Variants in GRIP1 observed in about 807,000 individuals in gnomAD.
GRIP1 encodes the protein glutamate receptor-interacting protein 1.
A neutral mutation model predicts 129.9 loss-of-function variants in GRIP1; 45 were observed. The ratio of observed to expected loss-of-function variants is 0.35; its 90% CI spans 0.27 to 0.44. GRIP1 has a LOEUF of 0.44. GRIP1 is among the 20% of genes least tolerant of loss of function. The pLI, the probability that GRIP1 is intolerant of heterozygous loss-of-function variation, is 1.00. For synonymous variants in GRIP1, 530 were observed against 520.8 expected (o/e 1.02, Z -0.24); for missense variants, 1,196 against 1,396.8 (o/e 0.86, Z 2.29).
chr12:67,006,993 T>C (rs1348852529), intron 1 of GRIP1, among the ~76,000 whole-genome samples: 1 of 152,196 alleles, frequency 6.6e-6, no homozygotes, highest in African/African-American at 2.4e-5. Flanking sequence ...TCAATCATCA[T>C]AAAAGCTTCT....
intron 1 of GRIP1, among the ~76,000 whole-genome samples, chr12:66,955,751 C>T (rs11176494): frequency 0.2 from 30,943 of 152,014 alleles, 3,967 homozygotes; most frequent in East Asian, 0.27. Context: ...AAGTGATCCA[C>T]CCGCCTCGGC....
intron 1 of GRIP1, among the ~76,000 whole-genome samples, chr12:66,926,687 ACT>A (rs2041301087): frequency 6.6e-6 from 1 of 152,242 alleles, no homozygotes; most frequent in South Asian, 2.1e-4. Flanking sequence ...TCCTTCAGAC[ACT>A]AAAGAGGGCA....
At chr12:66,900,457 G>A (rs2040826422) in intron 1 of GRIP1, among the ~76,000 whole-genome samples, 1 of 152,122 alleles carries the variant, frequency 6.6e-6, no homozygotes, top group Admixed American at 6.6e-5. Flanking sequence ...CCAGCCTCTT[G>A]ATCTTGGACT....
chr12:66,900,335 T>A (rs559545832), intron 1 of GRIP1, among the ~76,000 whole-genome samples: 1 of 152,118 alleles, frequency 6.6e-6, no homozygotes, highest in East Asian at 1.9e-4. Context: ...CCCACCCTTA[T>A]AAAAGAGACC....
chr12:66,623,425 C>T (rs1035472506), intron 1 of GRIP1, among the ~76,000 whole-genome samples: 1 of 152,108 alleles, frequency 6.6e-6, no homozygotes, highest in African/African-American at 2.4e-5. Context: ...TGGGATTGGG[C>T]CTACTTAAAG....
At chr12:66,547,065 C>T (rs749208336) in intron 2 of GRIP1, among the ~76,000 whole-genome samples, 5 of 151,992 alleles carry the variant, frequency 3.3e-5, no homozygotes, top group Non-Finnish European at 5.9e-5. Context: ...CAAAACTCAA[C>T]AGTAAAAAAG....
intron 24 of GRIP1, among the ~76,000 whole-genome samples, chr12:66,353,208 T>C (rs1469928039): frequency 3.3e-5 from 5 of 152,070 alleles, no homozygotes; most frequent in African/African-American, 1.2e-4. Flanking sequence ...AAAAAACTGG[T>C]AAGAAACCAC....
At chr12:66,409,920 A>G (rs373144845) in intron 15 of GRIP1, among the ~76,000 whole-genome samples, 2 of 152,258 alleles carry the variant, frequency 1.3e-5, no homozygotes, top group Admixed American at 6.5e-5. Context: ...AAAAAAATGC[A>G]TCAGAGTCTC....
At chr12:66,840,529 C>G (rs772855589) in intron 1 of GRIP1, among the ~76,000 whole-genome samples, 1 of 152,186 alleles carries the variant, frequency 6.6e-6, no homozygotes, top group African/African-American at 2.4e-5. Flanking sequence ...GTTAATGAGG[C>G]ATATGTAAAA....
At chr12:66,613,024 AG>A (rs1460873824) in intron 1 of GRIP1, among the ~76,000 whole-genome samples, 2 of 152,206 alleles carry the variant, frequency 1.3e-5, no homozygotes, top group African/African-American at 4.8e-5. Flanking sequence ...TGAGTTCTGC[AG>A]GGCTAAAAAT....
At chr12:66,617,758 C>T (rs1175091831) in intron 1 of GRIP1, among the ~76,000 whole-genome samples, 1 of 145,262 alleles carries the variant, frequency 6.9e-6, no homozygotes, top group Admixed American at 6.8e-5. Context: ...ATACTACTGG[C>T]TCATGAAAGA....
intron 1 of GRIP1, among the ~76,000 whole-genome samples, chr12:66,951,526 G>A (rs962783580): frequency 2.6e-5 from 4 of 152,200 alleles, no homozygotes; most frequent in Non-Finnish European, 5.9e-5. Flanking sequence ...GTACAGGAAC[G>A]TGTGGCCTTG....
At chr12:66,736,249 A>G (rs931425006) in intron 1 of GRIP1, among the ~76,000 whole-genome samples, 8 of 151,100 alleles carry the variant, frequency 5.3e-5, no homozygotes, top group Admixed American at 1.3e-4. Flanking sequence ...CACCAATCAT[A>G]GCTCACTGTA....
chr12:66,489,728 C>A (rs10784546), intron 7 of GRIP1, among the ~76,000 whole-genome samples: 102,527 of 151,988 alleles, frequency 0.67, 34,945 homozygotes, highest in Middle Eastern at 0.85. Flanking sequence ...ATCATCTCAG[C>A]CCAAAAGCTT....
intron 23 of GRIP1, among the ~76,000 whole-genome samples, chr12:66,356,330 C>T (rs1368355949): frequency 3.3e-5 from 5 of 152,220 alleles, no homozygotes; most frequent in Non-Finnish European, 7.3e-5. Flanking sequence ...CTGATGGCAA[C>T]AGAGAATCGG....
intron 1 of GRIP1, among the ~76,000 whole-genome samples, chr12:66,987,730 T>C (rs1426975574): frequency 6.6e-6 from 1 of 152,200 alleles, no homozygotes; most frequent in East Asian, 1.9e-4. Context: ...CCACAGTGTG[T>C]CACCAAAGAG....
intron 1 of GRIP1, among the ~76,000 whole-genome samples, chr12:66,703,295 G>C (rs143042335): frequency 2.0e-5 from 3 of 152,290 alleles, no homozygotes; most frequent in Non-Finnish European, 4.4e-5. Flanking sequence ...AGGTGAAAGA[G>C]TAGTGGATTT....
At chr12:66,471,482 T>C (rs1359813391) in intron 7 of GRIP1, among the ~76,000 whole-genome samples, 3 of 152,218 alleles carry the variant, frequency 2.0e-5, no homozygotes, top group Non-Finnish European at 4.4e-5. Flanking sequence ...CACAACTCTG[T>C]GAATGTACTA....
chr12:67,068,978 G>C (rs1404778696), intron 1 of GRIP1: 2 of 707,524 alleles, frequency 2.8e-6, no homozygotes, highest in African/African-American at 3.9e-5. Flanking sequence ...GAGGGAGCCG[G>C]GGAGAGGGAG....
Sources: gnomAD v4.1 joint callset for allele counts (sites outside exome capture counted in the v4.1 genomes callset) on GRCh38, gnomAD v4.1.1 for gene constraint, MANE v1.5 for transcripts, NCBI Gene and HGNC (gene_info 2026-07-23, HGNC 2026-07-21) for gene names.